The following MBOAT7 variants were observed in gnomAD, a reference collection of about 807,000 sequenced individuals.
MBOAT7 encodes the protein membrane-bound acylglycerophosphatidylinositol O-acyltransferase MBOAT7.
MBOAT7 carries 40 observed loss-of-function variants against 47.4 expected under a neutral mutation model. The observed-to-expected ratio is 0.84, with a 90% CI of 0.66 to 1.10. MBOAT7 has a LOEUF of 1.10. MBOAT7 is among the 50% of genes least tolerant of loss of function. The pLI, the probability that MBOAT7 is intolerant of heterozygous loss-of-function variation, is 0.00. For missense variants in MBOAT7, 680 were observed against 655.6 expected, an observed-to-expected ratio of 1.04 and a Z score of -0.41; for synonymous variants, 361 against 292.0, an observed-to-expected ratio of 1.24 and a Z score of -2.41.
Position 54,187,148 on chromosome 19 carries a change from C to A in MBOAT7, c.333+13G>T, listed in dbSNP as rs1042922480. The A allele has an allele frequency of 1.9e-6, 3 of 1,550,238 alleles. No homozygotes were observed. Among genetic ancestry groups the A allele is most frequent in the African/African-American group, 2.7e-5 (2 of 73,396 alleles). On this transcript the variant is annotated intron_variant, in intron 4 of 7. Transcript: ENST00000245615. ...AGGGAGGCTGGAGGGGAGTGGCAAG[C>A]CCCGAGTCTGACCTTCAGCGTCAGC... is the stretch of plus-strand genomic sequence containing the variant.
At chr19:54,183,303 G>A (rs1187589902) in intron 5 of MBOAT7, among the ~76,000 whole-genome samples, 1 of 152,196 alleles carries the variant, frequency 6.6e-6, no homozygotes, top group Non-Finnish European at 1.5e-5. Flanking sequence ...AAGGAGAAGA[G>A]CAAGGAATTG....
In MBOAT7 at chr19:54,180,603, T is replaced by G. The variant is rs530706160; in HGVS notation, c.854+170A>C. ...GCATCTGTCAGTACCAGGGATCTTT[T>G]CCCTACCGACAGGGGCTGGCAGGCC... On this transcript the variant is annotated intron_variant, in intron 6 of 7. Coordinates refer to ENST00000245615, the MANE Select transcript of MBOAT7 (RefSeq NM_024298.5). This position sits in a 1 kb window ranked among gnomAD's most constrained non-coding sequence, Gnocchi z 5.2. 1.1e-5 allele frequency: 7 copies of G among 637,490 alleles called. No homozygotes were observed. The South Asian group carries it at 1.4e-4, about 13-fold the overall frequency. The allele number at this position is 637,490 out of a possible 1,614,324, so 39.5% of individuals were successfully genotyped here.
At chr19:54,175,033 T>C (rs1051377625) in intron 7 of MBOAT7, among the ~76,000 whole-genome samples, 4 of 148,240 alleles carry the variant, frequency 2.7e-5, no homozygotes, top group Non-Finnish European at 4.5e-5. Context: ...TAGAGTGCAG[T>C]GGCGCGATCT....
chr19:54,187,329 C>A, intron 3 of MBOAT7, 42 bp from the exon 4 acceptor site: 1 of 1,557,282 alleles, frequency 6.4e-7, no homozygotes, highest in Non-Finnish European at 8.7e-7. Flanking sequence ...GCACAGAAGT[C>A]TCGGCCTTGG....
chr19:54,185,148 T>G (rs972477980), intron 4 of MBOAT7, among the ~76,000 whole-genome samples: 4 of 152,064 alleles, frequency 2.6e-5, no homozygotes, highest in Non-Finnish European at 4.4e-5. Context: ...AGGCAGAGGT[T>G]GCAGTGAGAT....
chr19:54,174,477 G>A, intron 7 of MBOAT7, 46 bp from the exon 8 acceptor site: 1 of 1,471,508 alleles, frequency 6.8e-7, no homozygotes. Context: ...CAGGTCCCCA[G>A]TGCCCACTGC....
At chr19:54,177,497 G>C (rs1035356278) in intron 7 of MBOAT7, among the ~76,000 whole-genome samples, 4 of 151,598 alleles carry the variant, frequency 2.6e-5, no homozygotes, top group African/African-American at 9.7e-5. Context: ...GGGTTTCACC[G>C]TGTTAGCCAG....
chr19:54,184,670 A>T (rs2076381617), intron 4 of MBOAT7, among the ~76,000 whole-genome samples: 1 of 152,132 alleles, frequency 6.6e-6, no homozygotes, highest in African/African-American at 2.4e-5. Flanking sequence ...TGGGAGGCCG[A>T]GGCAGGCGGA....
At chr19:54,187,076 G>A (rs763243848) in intron 4 of MBOAT7, 85 bp downstream of exon 4, 63 of 1,461,978 alleles carry the variant, frequency 4.3e-5, no homozygotes, top group East Asian at 7.4e-5. Context: ...GTAAAATCCC[G>A]GGGAGCCACT....
chr19:54,178,554 G>T, intron 7 of MBOAT7: 3 of 1,425,308 alleles, frequency 2.1e-6, no homozygotes, highest in Non-Finnish European at 2.7e-6. Flanking sequence ...TGACTTTACA[G>T]AAGTAGCAAC....
In MBOAT7 at chr19:54,175,125, G is replaced by A. The variant is rs181748334; in HGVS notation, c.1032-694C>T. 2.9e-3 allele frequency among the ~76,000 whole-genome samples: 442 copies of A among 152,012 alleles called. 5 individuals are homozygous for A. The highest frequency in any genetic ancestry group is 0.016 in the South Asian group (78 of 4,806). On this transcript the variant is annotated intron_variant, in intron 7 of 7. Transcript: ENST00000245615. ...CGAGTAGCTGGGACTACAGGCGCCT[G>A]CCACCACGCCCGGCTAATTTTCTTT...
At position 54,178,770 on chromosome 19, in the gene MBOAT7, G is replaced by A. The variant is rs1360770739; in HGVS notation, c.1026C>T (p.Val342=). The change falls in exon 7 of 8, where the codon GTC becomes GTT. Residue 342 remains valine, a synonymous_variant. Coordinates refer to ENST00000245615, the MANE Select transcript of MBOAT7 (RefSeq NM_024298.5). The part of the protein sequence containing the change: ...IYKSAPARSY[V]LRSAWTMLLS... ...GACTGGGCGGGCTCACTCACCGCAG[G>A]ACATAGGAACGGGCAGGTGCGCTCT... The A allele has an allele frequency of 1.9e-6, 3 of 1,613,394 alleles. No individual in the cohort carries two copies. The highest frequency in any genetic ancestry group is 2.5e-6 in the Non-Finnish European group (3 of 1,179,982).
At position 54,178,793 on chromosome 19, in the gene MBOAT7, T is replaced by G. The variant is rs1397945661; in HGVS notation, c.1003A>C (p.Ser335Arg). ...AGGACATAGGAACGGGCAGGTGCGC[T>G]CTTGTAGATATACTGCGCCAGCCAC... ...QWWLAQYIYK[S>R]APARSYVLRS... Residue 335 changes from serine (S) to arginine (R), a missense_variant, in exon 7 of 8, where the codon AGC becomes CGC. By Grantham distance (110) the Ser-to-Arg change is moderately radical. Coordinates refer to ENST00000245615, the MANE Select transcript of MBOAT7 (RefSeq NM_024298.5). The G allele has an allele frequency of 6.2e-7, 1 of 1,613,384 alleles. No homozygotes were observed. The highest frequency in any genetic ancestry group is 1.3e-5 in the African/African-American group (1 of 75,054).
intron 4 of MBOAT7, among the ~76,000 whole-genome samples, chr19:54,183,915 G>A (rs1012714527): frequency 3.9e-5 from 6 of 152,032 alleles, no homozygotes; most frequent in Non-Finnish European, 4.4e-5. Flanking sequence ...CGGAGGTTTC[G>A]ATACTATCCA....
chr19:54,176,921 A>G (rs1167899426), intron 7 of MBOAT7, among the ~76,000 whole-genome samples: 1 of 151,954 alleles, frequency 6.6e-6, no homozygotes, highest in Non-Finnish European at 1.5e-5. Flanking sequence ...AAAAATAATA[A>G]TAATACTTAA....
chr19:54,181,534 C>A (rs945846512), intron 5 of MBOAT7, among the ~76,000 whole-genome samples: 19 of 148,006 alleles, frequency 1.3e-4, no homozygotes, highest in African/African-American at 4.5e-4. Context: ...ACCTGAATTC[C>A]CAGCTACTGG....
chr19:54,174,145 C>A lies in MBOAT7; in HGVS notation c.1318G>T (p.Ala440Ser). The A allele has an allele frequency of 6.3e-7, 1 of 1,599,354 alleles. No homozygotes were observed. The highest frequency in any genetic ancestry group is 8.5e-7 in the Non-Finnish European group (1 of 1,173,716). The change falls in exon 8 of 8, where the codon GCC becomes TCC. Residue 440 changes from alanine (A) to serine (S), a missense_variant. By Grantham distance (99) the Ala-to-Ser change is moderately conservative. Coordinates refer to ENST00000245615, the MANE Select transcript of MBOAT7 (RefSeq NM_024298.5). ...YFCIHFLALA[A>S]LGLGLALGGG... ...CCTAAAGCCAGCCCCAGCCCCAGGG[C>A]TGCCAGGGCCAGGAAGTGGATACAG...
rs1290515273 is a variant in MBOAT7 at position 54,174,319 on chromosome 19, C to T, written c.1144G>A (p.Ala382Thr). 6.2e-7 allele frequency: 1 copy of T among 1,613,274 alleles called. No individual in the cohort carries two copies. The highest frequency in any genetic ancestry group is 1.3e-5 in the African/African-American group (1 of 74,914). Residue 382 changes from alanine to threonine, a missense_variant, in exon 8 of 8, where the codon GCC becomes ACC. Coordinates refer to ENST00000245615, the MANE Select transcript of MBOAT7 (RefSeq NM_024298.5). ...CLAAEGRLES[A>T]LRGRLSPGGQ... The stretch of plus-strand genomic sequence containing the variant: ...CCTGGGCTCAGCCGCCCCCGCAGGG[C>T]TGACTCCAGCCGGCCCTCGGCAGCC...
Position 54,180,838 on chromosome 19 carries a change from G to A in MBOAT7, c.789C>T (p.Ala263=), listed in dbSNP as rs2076243393. 3 of 1,576,332 alleles carry A rather than the reference G, an allele frequency of 1.9e-6. No homozygotes were observed. In the African/African-American group the frequency reaches 4.0e-5, roughly 21 times the overall value. The change falls in exon 6 of 8, where the codon GCC becomes GCT. Residue 263 remains alanine (A), a synonymous_variant. Transcript: ENST00000245615. The surrounding 1 kb of genome is among the most constrained non-coding windows in gnomAD (Gnocchi z 5.2). ...ECGCIAAGFG[A]YPVAAKARAG... is the part of the protein sequence containing the mutation. ...CCCGGGCTTTGGCGGCCACGGGGTAGGCCCCAAAGCCGGCGGCAATGCAGC... is the reference window on the plus strand; with the variant it reads ...CCCGGGCTTTGGCGGCCACGGGGTAAGCCCCAAAGCCGGCGGCAATGCAGC...
Sources: allele counts gnomAD v4.1 joint callset (sites outside exome capture counted in the v4.1 genomes callset), GRCh38; gene constraint gnomAD v4.1.1; non-coding constraint Gnocchi (gnomAD v3.1); transcripts MANE v1.5; gene names NCBI Gene and HGNC (gene_info 2026-07-23, HGNC 2026-07-21).